AGBL4: variants seen among roughly 807,000 people sequenced by gnomAD.
The protein encoded by AGBL4 is AGBL carboxypeptidase 4.
AGBL4 carries 58 observed loss-of-function variants against 66.4 expected under a neutral mutation model. The observed-to-expected ratio is 0.87, with a 90% confidence interval of 0.71 to 1.09. The LOEUF is 1.09. Ranked by LOEUF, AGBL4 falls within the 50% of genes least tolerant of loss-of-function variation. The probability of loss-of-function intolerance (pLI) is 0.00; values close to 1 mark genes in which losing one functional copy is unlikely to be tolerated. For missense variants in AGBL4, 579 were observed against 631.0 expected (o/e 0.92, Z 0.88); for synonymous variants, 234 against 222.9 (o/e 1.05, Z -0.44).
chr1:49,006,077 C>G (rs1661770484), intron 5 of AGBL4, among the ~76,000 whole-genome samples: 1 of 152,100 alleles, frequency 6.6e-6, no homozygotes, highest in Non-Finnish European at 1.5e-5. Context: ...GTGAGCGACG[C>G]AGAAGACAGG....
chr1:48,873,223 T>C (rs966369820), intron 5 of AGBL4, among the ~76,000 whole-genome samples: 2 of 152,226 alleles, frequency 1.3e-5, no homozygotes, highest in African/African-American at 4.8e-5. Flanking sequence ...TCTCAGACTC[T>C]GAGCTCTAGC....
intron 4 of AGBL4, among the ~76,000 whole-genome samples, chr1:49,214,897 CT>C (rs1195887229): frequency 6.6e-6 from 1 of 152,100 alleles, no homozygotes; most frequent in Non-Finnish European, 1.5e-5. Context: ...AATTCTCAGT[CT>C]CTTTCTTATG....
intron 1 of AGBL4, among the ~76,000 whole-genome samples, chr1:49,968,178 G>A (rs915895868): frequency 8.0e-5 from 12 of 149,912 alleles, no homozygotes; most frequent in Admixed American, 1.3e-4. Context: ...AGCCAATATC[G>A]TGCCATTGCA....
Position 49,174,374 on chromosome 1 carries a change from T to C in AGBL4, c.377+71396A>G, listed in dbSNP as rs980411323. Among the ~76,000 whole-genome samples, 3 of 152,238 alleles carry C rather than the reference T, an allele frequency of 2.0e-5. No individual in the cohort carries two copies. The East Asian group carries it at 5.8e-4, about 29-fold the overall frequency. ...AGAAGGATGGCAAAGTTTCAAAAAA[T>C]GGATAGATTTGCAGGTTGAAGGATG... On this transcript the variant is annotated intron_variant, in intron 4 of 13. Coordinates refer to ENST00000371839, the MANE Select transcript of AGBL4 (RefSeq NM_032785.4).
intron 3 of AGBL4, among the ~76,000 whole-genome samples, chr1:49,444,196 G>C (rs974959987): frequency 6.6e-6 from 1 of 151,950 alleles, no homozygotes; most frequent in Non-Finnish European, 1.5e-5. Flanking sequence ...CTATTTTGGA[G>C]AATGTTCCAT....
chr1:49,914,064 T>C (rs1651136852), intron 1 of AGBL4, among the ~76,000 whole-genome samples: 2 of 152,220 alleles, frequency 1.3e-5, no homozygotes, highest in African/African-American at 4.8e-5. Flanking sequence ...CTAGCCATGG[T>C]AATCTCTTTA....
chr1:49,513,780 T>C (rs531641647), intron 3 of AGBL4, among the ~76,000 whole-genome samples: 60 of 152,140 alleles, frequency 3.9e-4, no homozygotes, highest in African/African-American at 1.3e-3. Flanking sequence ...TTTTCAACTT[T>C]TCTTGCTGCG....
chr1:49,931,776 A>T (rs1653388063), intron 1 of AGBL4, among the ~76,000 whole-genome samples: 1 of 152,212 alleles, frequency 6.6e-6, no homozygotes, highest in Non-Finnish European at 1.5e-5. Flanking sequence ...TCTACAATTT[A>T]TACAAAAATA....
At chr1:49,805,362 G>C (rs1249167636) in intron 2 of AGBL4, among the ~76,000 whole-genome samples, 1 of 152,156 alleles carries the variant, frequency 6.6e-6, no homozygotes, top group Non-Finnish European at 1.5e-5. Flanking sequence ...AAGCCTGATT[G>C]AATGGGTTTC....
chr1:49,196,180 C>T (rs1232052610), intron 4 of AGBL4, among the ~76,000 whole-genome samples: 2 of 152,112 alleles, frequency 1.3e-5, no homozygotes, highest in Non-Finnish European at 2.9e-5. Context: ...TAAGTTTGGT[C>T]ACTTTATATA....
chr1:49,470,983 T>C (rs1646731479), intron 3 of AGBL4, among the ~76,000 whole-genome samples: 1 of 152,102 alleles, frequency 6.6e-6, no homozygotes, highest in African/African-American at 2.4e-5. Context: ...TGTGGGGGCT[T>C]GCCTGCCCTG....
intron 5 of AGBL4, among the ~76,000 whole-genome samples, chr1:48,921,053 G>A (rs548308216): frequency 6.6e-6 from 1 of 152,192 alleles, no homozygotes; most frequent in African/African-American, 2.4e-5. Context: ...TGGTGTTTTC[G>A]GCATCCATTT....
intron 6 of AGBL4, among the ~76,000 whole-genome samples, chr1:48,842,781 G>A (rs1646833578): frequency 6.6e-6 from 1 of 152,082 alleles, no homozygotes. Flanking sequence ...TTTCCATCGA[G>A]GGATGAATAG....
chr1:48,679,762 G>A (rs1025959821), intron 6 of AGBL4, among the ~76,000 whole-genome samples: 3 of 152,192 alleles, frequency 2.0e-5, no homozygotes, highest in East Asian at 1.9e-4. Context: ...ACATTAGCAC[G>A]GCACTGGCAC....
intron 3 of AGBL4, among the ~76,000 whole-genome samples, chr1:49,534,436 C>T (rs1651411979): frequency 6.6e-6 from 1 of 152,160 alleles, no homozygotes; most frequent in African/African-American, 2.4e-5. Flanking sequence ...AGTGTCTTTG[C>T]TCCTGCCTCA....
chr1:48,859,621 C>T (rs1647312691), intron 6 of AGBL4, among the ~76,000 whole-genome samples: 1 of 152,186 alleles, frequency 6.6e-6, no homozygotes, highest in Admixed American at 6.5e-5. Flanking sequence ...ACTGTTCCGC[C>T]TGGCTGCTAG....
chr1:48,714,312 C>T (rs1647013690), intron 6 of AGBL4, among the ~76,000 whole-genome samples: 1 of 152,168 alleles, frequency 6.6e-6, no homozygotes, highest in Non-Finnish European at 1.5e-5. Flanking sequence ...TCCACAGTGC[C>T]ACCCCAGGGA....
At position 49,372,341 on chromosome 1, in the gene AGBL4, T is replaced by C. The variant is rs562911179; in HGVS notation, c.283-126477A>G. 2.6e-5 allele frequency among the ~76,000 whole-genome samples: 4 copies of C among 152,306 alleles called. No homozygotes were observed. In the South Asian group the frequency reaches 8.3e-4, roughly 32 times the overall value. ...TATTCTGGGGCTTATTTTTCATCCA[T>C]GTCAGTTCAGTCACTCTTGTGACTT... On this transcript the variant is annotated intron_variant, in intron 3 of 13. Coordinates refer to ENST00000371839, the MANE Select transcript of AGBL4 (RefSeq NM_032785.4).
At chr1:49,711,277 C>A (rs970898423) in intron 2 of AGBL4, among the ~76,000 whole-genome samples, 3 of 152,016 alleles carry the variant, frequency 2.0e-5, no homozygotes, top group Non-Finnish European at 4.4e-5. Flanking sequence ...TGTGTTTACA[C>A]TAAGACTTGT....
Sources: gnomAD v4.1 joint callset for allele counts (sites outside exome capture counted in the v4.1 genomes callset) on GRCh38, gnomAD v4.1.1 for gene constraint, MANE v1.5 for transcripts, NCBI Gene and HGNC (gene_info 2026-07-23, HGNC 2026-07-21) for gene names.